Variants in CD247 observed in about 807,000 individuals in gnomAD.
CD247 encodes the protein CD247 molecule.
Under a neutral mutation model 30.0 loss-of-function variants are expected in CD247, and 13 were observed. The ratio of observed to expected loss-of-function variants is 0.43; its 90% CI spans 0.28 to 0.69. The LOEUF (loss-of-function observed/expected upper bound fraction) is 0.69. Ranked by LOEUF, CD247 falls within the 30% of genes least tolerant of loss-of-function variation. The probability of loss-of-function intolerance (pLI) is 0.16; values close to 1 mark genes in which losing one functional copy is unlikely to be tolerated. For missense variants in CD247, 193 were observed against 212.6 expected, an observed-to-expected ratio of 0.91 and a Z score of 0.57; for synonymous variants, 72 against 80.0, an observed-to-expected ratio of 0.90 and a Z score of 0.53.
At chr1:167,485,026 C>G (rs1189900872) in intron 1 of CD247, among the ~76,000 whole-genome samples, 3 of 152,158 alleles carry the variant, frequency 2.0e-5, no homozygotes, top group Non-Finnish European at 4.4e-5. Context: ...AACAATCAGG[C>G]CAAACACTGG....
At chr1:167,438,707 C>T (rs1382532470) in intron 3 of CD247, 57 bp from the exon 4 acceptor site, 2 of 1,363,244 alleles carry the variant, frequency 1.5e-6, no homozygotes, top group Admixed American at 1.7e-5. Flanking sequence ...AAGGATGGAG[C>T]CAGCTGGACT....
intron 1 of CD247, among the ~76,000 whole-genome samples, chr1:167,479,495 G>A (rs1054488936): frequency 4.6e-5 from 7 of 152,214 alleles, no homozygotes; most frequent in Non-Finnish European, 8.8e-5. Context: ...TGACATATCC[G>A]CCTCCATCTG....
chr1:167,499,199 G>A (rs1654808038), intron 1 of CD247, among the ~76,000 whole-genome samples: 1 of 152,210 alleles, frequency 6.6e-6, no homozygotes, highest in Non-Finnish European at 1.5e-5. Context: ...ACAACTTGGG[G>A]AGTGCTACTG....
At chr1:167,455,776 G>A (rs1235166371) in intron 1 of CD247, among the ~76,000 whole-genome samples, 1 of 152,214 alleles carries the variant, frequency 6.6e-6, no homozygotes, top group Non-Finnish European at 1.5e-5. Flanking sequence ...GGGGGCCGAG[G>A]GTCTGGTTTT....
intron 1 of CD247, among the ~76,000 whole-genome samples, chr1:167,496,954 G>C (rs1349750701): frequency 6.6e-6 from 1 of 152,186 alleles, no homozygotes; most frequent in Non-Finnish European, 1.5e-5. Context: ...CTGACAGTGA[G>C]GGGAGACCTA....
At chr1:167,434,395 C>T (rs929474618) in intron 5 of CD247, 2 of 433,252 alleles carry the variant, frequency 4.6e-6, no homozygotes, top group Admixed American at 7.3e-5. Context: ...AAAACAAGGG[C>T]TCACCTGGAG....
In CD247 at chr1:167,445,243, T is replaced by C. The variant is rs377248850; in HGVS notation, c.59-4476A>G. On this transcript the variant is annotated intron_variant, in intron 1 of 7. Transcript: ENST00000362089. ...GCCTGGCCAAATATGATACTTCTTA[T>C]GGGGTGAGGATAAAATAAAATAATT... 4.7e-4 allele frequency among the ~76,000 whole-genome samples: 72 copies of C among 152,258 alleles called. No homozygotes were observed. In the East Asian group the frequency reaches 5.6e-3, roughly 12 times the overall value.
At chr1:167,433,184 C>G in intron 6 of CD247, 125 bp from the exon 7 acceptor site, 1 of 926,894 alleles carries the variant, frequency 1.1e-6, no homozygotes. Context: ...CAGCAGCACC[C>G]CTGCCCCTGG....
At chr1:167,439,285 T>G in intron 3 of CD247, 59 bp downstream of exon 3, 1 of 1,502,002 alleles carries the variant, frequency 6.7e-7, no homozygotes, top group Middle Eastern at 1.7e-4. Context: ...GCGCGTTCCC[T>G]AGGTCCGAGG....
intron 1 of CD247, among the ~76,000 whole-genome samples, chr1:167,461,103 G>A (rs1298793981): frequency 6.6e-6 from 1 of 152,248 alleles, no homozygotes; most frequent in Non-Finnish European, 1.5e-5. Flanking sequence ...CTGGGGACGT[G>A]GGCGATCGTG....
In CD247 at chr1:167,434,084, A is replaced by C. The variant is rs1377993948; in HGVS notation, c.337-8T>G. 1.2e-6 allele frequency: 2 copies of C among 1,613,668 alleles called. No homozygotes were observed. The highest frequency in any genetic ancestry group is 3.3e-5 in the Admixed American group (2 of 60,034). On this transcript the variant is annotated splice_polypyrimidine_tract_variant and splice_region_variant and intron_variant, in intron 5 of 7. Transcript: ENST00000362089. ...CTTATCTTTCTGCAGTTCCTGCAGAAGAGGGCGTGGAACACTGATTTTTAC... is the reference window on the plus strand; with the variant it reads ...CTTATCTTTCTGCAGTTCCTGCAGACGAGGGCGTGGAACACTGATTTTTAC...
intron 1 of CD247, among the ~76,000 whole-genome samples, chr1:167,514,935 T>C (rs562664368): frequency 6.6e-6 from 1 of 152,308 alleles, no homozygotes; most frequent in Admixed American, 6.5e-5. Context: ...AATAATTACA[T>C]GTATTTTTTT....
intron 1 of CD247, among the ~76,000 whole-genome samples, chr1:167,470,147 C>A (rs1653443432): frequency 6.6e-6 from 1 of 152,130 alleles, no homozygotes; most frequent in Non-Finnish European, 1.5e-5. Flanking sequence ...CTCCTGACCT[C>A]AGGTGATCCA....
At chr1:167,463,468 G>A (rs911821563) in intron 1 of CD247, among the ~76,000 whole-genome samples, 3 of 152,316 alleles carry the variant, frequency 2.0e-5, no homozygotes, top group African/African-American at 4.8e-5. Flanking sequence ...GAGAAAGGGA[G>A]AGGGAGGCTA....
chr1:167,467,799 C>T (rs1293423494), intron 1 of CD247, among the ~76,000 whole-genome samples: 1 of 152,148 alleles, frequency 6.6e-6, no homozygotes, highest in African/African-American at 2.4e-5. Flanking sequence ...TCCGTCTGGT[C>T]GGTTTAATAA....
chr1:167,479,179 G>A (rs1210435473), intron 1 of CD247, among the ~76,000 whole-genome samples: 1 of 152,206 alleles, frequency 6.6e-6, no homozygotes, highest in Non-Finnish European at 1.5e-5. Context: ...ACCATGTAAA[G>A]AAAGTAGCAC....
At chr1:167,444,032 TGGGTTC>T (rs1651959551) in intron 1 of CD247, among the ~76,000 whole-genome samples, 1 of 152,234 alleles carries the variant, frequency 6.6e-6, no homozygotes, top group Non-Finnish European at 1.5e-5. Context: ...TGCGTGCAGG[TGGGTTC>T]GAGTACTTCT....
chr1:167,470,134 G>A (rs1278053743), intron 1 of CD247, among the ~76,000 whole-genome samples: 2 of 151,990 alleles, frequency 1.3e-5, no homozygotes, highest in Non-Finnish European at 2.9e-5. Context: ...GGTTGGTCTT[G>A]AACTCCTGAC....
chr1:167,471,831 C>CTTTTTTTTTTTTTTTTTTTTTTTTTT (rs111891678), intron 1 of CD247, among the ~76,000 whole-genome samples: 5 of 117,190 alleles, frequency 4.3e-5, no homozygotes, highest in Non-Finnish European at 6.9e-5. Flanking sequence ...CTGTTTCTTT[C>CTTTTTTTTTTTTTTTTTTTTTTTTTT]TTTTTTTTTT....
Sources: allele counts gnomAD v4.1 joint callset (sites outside exome capture counted in the v4.1 genomes callset), GRCh38; gene constraint gnomAD v4.1.1; transcripts MANE v1.5; gene names NCBI Gene and HGNC (gene_info 2026-07-23, HGNC 2026-07-21).